ZNF723: variants seen among roughly 807,000 people sequenced by gnomAD.
ZNF723 encodes zinc finger protein 723.
ZNF723 carries 5 observed loss-of-function variants against 9.4 expected under a neutral mutation model. The ratio of observed to expected loss-of-function variants is 0.53; its 90% CI spans 0.28 to 1.12. The LOEUF (loss-of-function observed/expected upper bound fraction) is 1.12. Ranked by LOEUF, ZNF723 falls within the 50% of genes most tolerant of loss-of-function variation. ZNF723 has a pLI of 0.10. For missense variants in ZNF723, 450 were observed against 501.5 expected (o/e 0.90, Z 0.98); for synonymous variants, 158 against 168.8 (o/e 0.94, Z 0.49).
the ZNF723 span, among the ~76,000 whole-genome samples, chr19:22,822,894 T>C: frequency 6.6e-6 from 1 of 152,160 alleles, no homozygotes; most frequent in Non-Finnish European, 1.5e-5. Flanking sequence ...CTCATAGGCA[T>C]ACCCTGCCAA....
At chr19:22,827,355 T>C (rs951013569), upstream of ZNF723, among the ~76,000 whole-genome samples, 2 of 152,216 alleles carry the variant, frequency 1.3e-5, no homozygotes, top group East Asian at 3.9e-4. Context: ...ATTATCTAGC[T>C]AATTATTTAA....
chr19:22,837,209 C>T (rs796080284), intron 1 of ZNF723, among the ~76,000 whole-genome samples: 2 of 150,206 alleles, frequency 1.3e-5, no homozygotes, highest in African/African-American at 4.9e-5. Flanking sequence ...AGGAGAATCA[C>T]TTGAACCCTG....
the ZNF723 span, among the ~76,000 whole-genome samples, chr19:22,820,938 A>G: frequency 1.1e-4 from 17 of 152,198 alleles, no homozygotes; most frequent in African/African-American, 4.1e-4. Context: ...GAGGCTGTGA[A>G]TCTCCCACGT....
At chr19:22,854,438 A>AT (rs929781014) in intron 3 of ZNF723, among the ~76,000 whole-genome samples, 2 of 152,090 alleles carry the variant, frequency 1.3e-5, no homozygotes, top group African/African-American at 2.4e-5. Flanking sequence ...GGGTTTTAAG[A>AT]TTTTTTAAAT....
Position 22,857,614 on chromosome 19 carries a change from C to A in ZNF723, c.723C>A (p.Ser241=), listed in dbSNP as rs1235151250. The A allele has an allele frequency of 7.7e-7, 1 of 1,303,756 alleles. No individual in the cohort carries two copies. The highest frequency in any genetic ancestry group is 2.3e-5 in the East Asian group (1 of 43,346). The allele number at this position is 1,303,756 out of a possible 1,614,324, so 80.8% of individuals were successfully genotyped here. ...AATGTGGCAAAGCCTTTAATGTGTC[C>A]TCAAGCCTTAATAATCATAAGAGAA... The part of the protein sequence containing the change: ...CEECGKAFNV[S]SSLNNHKRIH... Residue 241 remains serine (S), a synonymous_variant, in exon 4 of 4, where the codon TCC becomes TCA. Coordinates refer to ENST00000600766, the MANE Select transcript of ZNF723 (RefSeq NM_001349726.2).
chr19:22,827,434 T>TTTG (rs1303058339), upstream of ZNF723, among the ~76,000 whole-genome samples: 6 of 98,044 alleles, frequency 6.1e-5, no homozygotes, highest in African/African-American at 3.3e-4. Flanking sequence ...TATTTTTTTT[T>TTTG]TTTGTTTTTT....
upstream of ZNF723, among the ~76,000 whole-genome samples, chr19:22,830,354 C>T (rs1338162945): frequency 1.3e-5 from 2 of 152,178 alleles, no homozygotes; most frequent in Non-Finnish European, 2.9e-5. Context: ...TTTTCATAGA[C>T]ATAGGATCTT....
chr19:22,833,395 C>A (rs567820631), intron 1 of ZNF723, among the ~76,000 whole-genome samples: 71 of 152,152 alleles, frequency 4.7e-4, no homozygotes, highest in Middle Eastern at 3.4e-3. Flanking sequence ...TCGTGATCCG[C>A]CCGCCTCGGC....
the ZNF723 span, among the ~76,000 whole-genome samples, chr19:22,824,917 A>G: frequency 6.6e-6 from 1 of 152,222 alleles, no homozygotes; most frequent in Non-Finnish European, 1.5e-5. Flanking sequence ...GCTTAGGGCA[A>G]GGGTACAATC....
intron 1 of ZNF723, among the ~76,000 whole-genome samples, chr19:22,844,238 T>C (rs35968517): frequency 0.2 from 30,766 of 152,202 alleles, 3,631 homozygotes; most frequent in African/African-American, 0.32. Context: ...TTTAGCATCT[T>C]GTTTTCTATT....
intron 3 of ZNF723, among the ~76,000 whole-genome samples, chr19:22,852,620 T>C (rs1967413546): frequency 6.6e-6 from 1 of 152,186 alleles, no homozygotes; most frequent in African/African-American, 2.4e-5. Flanking sequence ...TTGACAATAA[T>C]TTAAAAACTT....
upstream of ZNF723, among the ~76,000 whole-genome samples, chr19:22,830,197 T>C (rs181249216): frequency 2.0e-4 from 30 of 152,360 alleles, no homozygotes; most frequent in East Asian, 5.4e-3. Context: ...AGACAGTGTC[T>C]CACTCTTTTA....
chr19:22,850,060 C>G (rs889705942), intron 3 of ZNF723, among the ~76,000 whole-genome samples: 4 of 150,622 alleles, frequency 2.7e-5, no homozygotes, highest in Admixed American at 2.6e-4. Flanking sequence ...TTAGTATAGT[C>G]TTGAAATACA....
At chr19:22,824,917 AG>A in the ZNF723 span, among the ~76,000 whole-genome samples, 1 of 152,222 alleles carries the variant, frequency 6.6e-6, no homozygotes, top group Non-Finnish European at 1.5e-5. Context: ...GCTTAGGGCA[AG>A]GGTACAATCA....
At chr19:22,822,172 C>G in the ZNF723 span, among the ~76,000 whole-genome samples, 2 of 152,170 alleles carry the variant, frequency 1.3e-5, no homozygotes, top group South Asian at 4.1e-4. Flanking sequence ...ATAATAGGGT[C>G]TACCACACAG....
upstream of ZNF723, among the ~76,000 whole-genome samples, chr19:22,832,071 G>A (rs1286028693): frequency 6.6e-6 from 1 of 152,208 alleles, no homozygotes; most frequent in African/African-American, 2.4e-5. Flanking sequence ...CCTCTGAGGT[G>A]GGCCTGGCTC....
chr19:22,850,458 C>T (rs775248573), intron 3 of ZNF723, among the ~76,000 whole-genome samples: 47 of 149,364 alleles, frequency 3.1e-4, no homozygotes, highest in South Asian at 1.3e-3. Flanking sequence ...CGGCCCACGT[C>T]GGCCTCCCAA....
At chr19:22,846,395 G>T (rs1967310076) in intron 1 of ZNF723, among the ~76,000 whole-genome samples, 1 of 152,184 alleles carries the variant, frequency 6.6e-6, no homozygotes, top group Admixed American at 6.5e-5. Context: ...GGCTGAGCAG[G>T]TTGGATCACC....
intron 1 of ZNF723, among the ~76,000 whole-genome samples, chr19:22,845,022 G>C (rs928111885): frequency 3.9e-5 from 6 of 152,186 alleles, no homozygotes; most frequent in Non-Finnish European, 7.3e-5. Flanking sequence ...GGGAGGCTGA[G>C]GCAGGAGAAT....
Sources: gnomAD v4.1 joint callset for allele counts (sites outside exome capture counted in the v4.1 genomes callset) on GRCh38, gnomAD v4.1.1 for gene constraint, MANE v1.5 for transcripts, NCBI Gene and HGNC (gene_info 2026-07-23, HGNC 2026-07-21) for gene names.